RCC1L: variants seen among roughly 807,000 people sequenced by gnomAD.
RCC1L encodes RCC1-like G exchanging factor-like protein.
A neutral mutation model predicts 58.6 loss-of-function variants in RCC1L; 46 were observed. The observed-to-expected ratio is 0.79, with a 90% CI of 0.62 to 1.00. The LOEUF is 1.00. RCC1L is among the 50% of genes least tolerant of loss of function. RCC1L has a pLI of 0.00. For missense variants in RCC1L, 636 were observed against 623.6 expected (o/e 1.02, Z -0.21); for synonymous variants, 281 against 262.9 (o/e 1.07, Z -0.67).
At chr7:75,058,521 A>G (rs1806155106) in intron 7 of RCC1L, 67 bp downstream of exon 7, 1 of 1,542,154 alleles carries the variant, frequency 6.5e-7, no homozygotes, top group South Asian at 1.2e-5. Context: ...GTGAGCCACC[A>G]CACCCGGCCC....
chr7:75,064,956 C>G lies in RCC1L; in HGVS notation c.584-308G>C, dbSNP rs1298947113. Among the ~76,000 whole-genome samples, 13 of 152,210 alleles carry G rather than the reference C, an allele frequency of 8.5e-5. 1 individual carries two copies. Among genetic ancestry groups the G allele is most frequent in the African/African-American group, 3.1e-4 (13 of 41,548 alleles). On this transcript the variant is annotated intron_variant, in intron 3 of 10. Transcript: ENST00000610322. Reference sequence around the variant, plus strand: ...TAACACCAATCCCCTCTAGAAAGAGCCCCTAAATGCAGCGCCTCTGCCCTG... The same window carrying G: ...TAACACCAATCCCCTCTAGAAAGAGGCCCTAAATGCAGCGCCTCTGCCCTG...
intron 2 of RCC1L, 61 bp from the exon 3 acceptor site, chr7:75,066,853 C>T: frequency 3.2e-6 from 5 of 1,555,812 alleles, no homozygotes; most frequent in South Asian, 2.4e-5. Context: ...ATCATACTGT[C>T]CAACTCCACG....
chr7:75,045,518 CTCTT>C (rs1263656820), intron 10 of RCC1L, among the ~76,000 whole-genome samples: 7 of 85,412 alleles, frequency 8.2e-5, no homozygotes, highest in African/African-American at 1.5e-4. Flanking sequence ...ATATGCATCT[CTCTT>C]TTTTTTTTTT....
At chr7:75,035,262 C>T (rs978494805) in intron 10 of RCC1L, among the ~76,000 whole-genome samples, 4 of 152,132 alleles carry the variant, frequency 2.6e-5, no homozygotes, top group Admixed American at 2.0e-4. Flanking sequence ...AACTCATGAC[C>T]TCAAGTGATC....
intron 10 of RCC1L, among the ~76,000 whole-genome samples, chr7:75,044,775 G>T (rs148581667): frequency 8.6e-5 from 13 of 151,398 alleles, no homozygotes; most frequent in Non-Finnish European, 1.6e-4. Context: ...AGTGGCTCAC[G>T]CCTGTAATCC....
chr7:75,069,035 ATTTTTGCAT>A (rs1343421222), intron 2 of RCC1L, among the ~76,000 whole-genome samples: 1 of 151,006 alleles, frequency 6.6e-6, no homozygotes, highest in Non-Finnish European at 1.5e-5. Context: ...TGCCCAGCTA[ATTTTTGCAT>A]TTTTAGTAGA....
Position 75,073,652 on chromosome 7 carries a change from G to A in RCC1L, c.86C>T (p.Ala29Val), listed in dbSNP as rs782549268. The change falls in exon 1 of 11, where the codon GCC becomes GTC. Residue 29 changes from alanine to valine, a missense_variant. Ala to Val is a moderately conservative substitution (Grantham distance 64). Transcript: ENST00000610322. ...TTCGCGCCGGCTCCGGGAGCGCCCG[G>A]CCGCCGTCCAGTGCCCTCGCCCCAG... is the stretch of plus-strand genomic sequence containing the variant. ...PGLGRGHWTA[A>V]GRSRSRREAA... 1 of 1,472,576 alleles carries A rather than the reference G, an allele frequency of 6.8e-7. No individual in the cohort carries two copies. 91.2% of individuals were successfully genotyped at this position (1,472,576 alleles called of 1,614,324 possible).
At position 75,042,699 on chromosome 7, in the gene RCC1L, C is replaced by A; in HGVS notation, c.*333G>T. On this transcript the variant is annotated 3_prime_UTR_variant, in exon 11 of 11. Transcript: ENST00000610322. ...AAACCTCCCGAGCACTGTGTTCAAG[C>A]TAAGCTTTCCTAAGACGGGCTTCTC... is the stretch of plus-strand genomic sequence containing the variant. The A allele has an allele frequency of 8.1e-7, 1 of 1,241,856 alleles. No individual in the cohort carries two copies. Among genetic ancestry groups the A allele is most frequent in the Non-Finnish European group, 1.0e-6 (1 of 982,420 alleles). 76.9% of individuals were successfully genotyped at this position (1,241,856 alleles called of 1,614,324 possible).
chr7:75,032,037 C>T (rs1444560257), intron 10 of RCC1L, among the ~76,000 whole-genome samples: 7 of 152,222 alleles, frequency 4.6e-5, no homozygotes, highest in Non-Finnish European at 8.8e-5. Context: ...TTCCTAGCCA[C>T]ATAATTCACA....
intron 5 of RCC1L, among the ~76,000 whole-genome samples, 160 bp downstream of exon 5, chr7:75,063,132 T>C (rs1470696860): frequency 2.0e-5 from 3 of 152,104 alleles, no homozygotes; most frequent in African/African-American, 7.2e-5. Flanking sequence ...CCCTAGAATC[T>C]AGCATAAATC....
Position 75,042,585 on chromosome 7 carries a change from CTCCCTCGCCTAAGCTGGGGCTCGG to C in RCC1L, c.*423_*446del. On this transcript the variant is annotated 3_prime_UTR_variant, in exon 11 of 11. Transcript: ENST00000610322. ...AAACCGAGGGCCGAAGCCAGCCTGACTCCCTCGCCTAAGCTGGGGCTCGGTCCGAGGCACACGCATGGCCTTGGC... is the reference window on the plus strand; with the variant it reads ...AAACCGAGGGCCGAAGCCAGCCTGACTCCGAGGCACACGCATGGCCTTGGC... 1.0e-6 allele frequency: 1 copy of C among 1,004,230 alleles called. No homozygotes were observed. Among genetic ancestry groups the C allele is most frequent in the African/African-American group, 1.7e-5 (1 of 57,676 alleles). 62.2% of individuals were successfully genotyped at this position (1,004,230 alleles called of 1,614,324 possible).
rs1201525882 is a variant in RCC1L at position 75,042,603 on chromosome 7, G to T, written c.*429C>A. 7.0e-6 allele frequency: 7 copies of T among 1,006,076 alleles called. No homozygotes were observed. In the African/African-American group the frequency reaches 1.2e-4, roughly 17 times the overall value. The allele number at this position is 1,006,076 out of a possible 1,614,324, so 62.3% of individuals were successfully genotyped here. ...AGCCTGACTCCCTCGCCTAAGCTGG[G>T]GCTCGGTCCGAGGCACACGCATGGC... On this transcript the variant is annotated 3_prime_UTR_variant, in exon 11 of 11. Transcript: ENST00000610322.
At chr7:75,051,285 C>T (rs1438897752) in intron 10 of RCC1L, among the ~76,000 whole-genome samples, 1 of 147,630 alleles carries the variant, frequency 6.8e-6, no homozygotes, top group Non-Finnish European at 1.5e-5. Flanking sequence ...TATATACACA[C>T]ACATATAAAT....
At chr7:75,055,315 G>A (rs1459954335) in intron 9 of RCC1L, among the ~76,000 whole-genome samples, 1 of 152,188 alleles carries the variant, frequency 6.6e-6, no homozygotes, top group Non-Finnish European at 1.5e-5. Flanking sequence ...CCCTTACCCT[G>A]CAGGGTAAGC....
chr7:75,033,932 G>A (rs2131968610), intron 10 of RCC1L, among the ~76,000 whole-genome samples: 1 of 152,228 alleles, frequency 6.6e-6, no homozygotes, highest in Non-Finnish European at 1.5e-5. Context: ...CGTCATCTTT[G>A]GTCACTTTGC....
At chr7:75,068,909 G>A (rs964536393) in intron 2 of RCC1L, among the ~76,000 whole-genome samples, 4 of 151,396 alleles carry the variant, frequency 2.6e-5, no homozygotes, top group Non-Finnish European at 4.4e-5. Flanking sequence ...TTGCCCTGTC[G>A]CCCAGGCTGG....
intron 10 of RCC1L, among the ~76,000 whole-genome samples, chr7:75,034,095 G>A (rs1182730944): frequency 2.6e-5 from 4 of 152,162 alleles, no homozygotes; most frequent in African/African-American, 4.8e-5. Context: ...CACAGTTTGC[G>A]AAAAACCACT....
chr7:75,042,013 T>C (rs1218834584), downstream of RCC1L: 1 of 300,856 alleles, frequency 3.3e-6, no homozygotes, highest in South Asian at 1.3e-4. Flanking sequence ...AGGCCAGGGG[T>C]TGGAGCCTAA....
intron 6 of RCC1L, among the ~76,000 whole-genome samples, chr7:75,059,288 G>C (rs1305558757): frequency 6.8e-6 from 1 of 146,994 alleles, no homozygotes; most frequent in African/African-American, 2.5e-5. Flanking sequence ...TTTTTGAGAC[G>C]GTCTCACTCT....
Sources: allele counts gnomAD v4.1 joint callset (sites outside exome capture counted in the v4.1 genomes callset), GRCh38; gene constraint gnomAD v4.1.1; transcripts MANE v1.5; gene names NCBI Gene and HGNC (gene_info 2026-07-23, HGNC 2026-07-21).